NPHP4: variants seen among roughly 807,000 people sequenced by gnomAD.
NPHP4 encodes nephrocystin 4.
A neutral mutation model predicts 155.8 loss-of-function variants in NPHP4; 151 were observed. That is an observed-to-expected ratio of 0.97 (90% CI 0.85 to 1.11). The LOEUF is 1.11. Among genes scored for constraint, NPHP4 ranks in the 50% least tolerant of loss-of-function variants. NPHP4 has a pLI of 0.00. For synonymous variants in NPHP4, 845 were observed against 816.8 expected, an observed-to-expected ratio of 1.03 and a Z score of -0.59; for missense variants, 1,956 against 1,925.7, an observed-to-expected ratio of 1.02 and a Z score of -0.29.
intron 9 of NPHP4, among the ~76,000 whole-genome samples, chr1:5,946,806 A>G (rs375042434): frequency 6.6e-6 from 1 of 152,252 alleles, no homozygotes; most frequent in Non-Finnish European, 1.5e-5. Flanking sequence ...TCAAAACCCA[A>G]AAGGACTGAC....
intron 25 of NPHP4, 34 bp from the exon 26 acceptor site, chr1:5,866,492 C>T (rs781503508): frequency 6.8e-6 from 9 of 1,318,198 alleles, no homozygotes; most frequent in Non-Finnish European, 7.6e-6. Flanking sequence ...TCAGGGCACA[C>T]AGTGCTCTGC....
chr1:5,963,132 C>T (rs1209640570), intron 5 of NPHP4, among the ~76,000 whole-genome samples: 1 of 152,258 alleles, frequency 6.6e-6, no homozygotes, highest in East Asian at 1.9e-4. Flanking sequence ...AAAACTAGGT[C>T]CGCCATGGGG....
intron 11 of NPHP4, among the ~76,000 whole-genome samples, chr1:5,912,407 G>A (rs1393429976): frequency 6.6e-6 from 1 of 151,956 alleles, no homozygotes; most frequent in Non-Finnish European, 1.5e-5. Flanking sequence ...GTATGGTGGT[G>A]GGCACCTGTA....
intron 16 of NPHP4, among the ~76,000 whole-genome samples, chr1:5,898,843 G>GCA (rs146386955): frequency 0.044 from 6,539 of 149,662 alleles, 455 homozygotes; most frequent in African/African-American, 0.15. Flanking sequence ...ACCCACACAT[G>GCA]CACACACACA....
At chr1:5,869,122 CGCACAATGCACACAT>C (rs1641700469) in intron 23 of NPHP4, among the ~76,000 whole-genome samples, 1 of 131,660 alleles carries the variant, frequency 7.6e-6, no homozygotes, top group African/African-American at 2.6e-5. Flanking sequence ...CATGCACACA[CGCACAATGCACACAT>C]ATCCGCCCAC....
chr1:5,875,503 G>C lies in NPHP4; in HGVS notation c.2818-403C>G, dbSNP rs558031505. Among the ~76,000 whole-genome samples, 8 of 152,318 alleles carry C rather than the reference G, an allele frequency of 5.3e-5. No individual in the cohort carries two copies. The South Asian group carries it at 1.7e-3, about 32-fold the overall frequency. On this transcript the variant is annotated intron_variant, in intron 20 of 29. Transcript: ENST00000378156. ...AACACAACTTTGGGAGCCCTGCCTG[G>C]GCCCAGCGTCCACAGGAGAGGACAT...
intron 20 of NPHP4, 61 bp downstream of exon 20, chr1:5,877,032 G>C (rs567456686): frequency 2.7e-6 from 3 of 1,118,104 alleles, no homozygotes; most frequent in South Asian, 3.5e-5. Context: ...GGGAAAGGAT[G>C]TGCACAGTGA....
intron 4 of NPHP4, among the ~76,000 whole-genome samples, chr1:5,967,685 C>A (rs886312011): frequency 6.6e-6 from 1 of 152,194 alleles, no homozygotes; most frequent in Non-Finnish European, 1.5e-5. Flanking sequence ...AGCTGTATAT[C>A]TGGAGCAGTG....
chr1:5,880,330 C>T, intron 18 of NPHP4, 91 bp from the exon 19 acceptor site: 1 of 1,371,458 alleles, frequency 7.3e-7, no homozygotes, highest in Non-Finnish European at 1.0e-6. Context: ...CTGTGGCTTT[C>T]AAATGGCCTA....
Position 5,905,703 on chromosome 1 carries a change from A to T in NPHP4, c.1692T>A (p.Ile564=). 6.2e-7 allele frequency: 1 copy of T among 1,613,916 alleles called. No homozygotes were observed. The highest frequency in any genetic ancestry group is 8.5e-7 in the Non-Finnish European group (1 of 1,179,842). ...ACGGCAGCTCCTGTAACTGTTCGGC[A>T]ATGGATGTTTCCAGGACCAGGGAGG... ...SQTSLVLETS[I]AEQLQELPFT... Residue 564 remains isoleucine (I), a synonymous_variant, in exon 14 of 30, where the codon ATT becomes ATA. Coordinates refer to ENST00000378156, the MANE Select transcript of NPHP4 (RefSeq NM_015102.5). The surrounding 1 kb of genome is among the most constrained non-coding windows in gnomAD (Gnocchi z 4.0).
chr1:5,950,820 G>A (rs1469519726), intron 7 of NPHP4, among the ~76,000 whole-genome samples: 1 of 152,126 alleles, frequency 6.6e-6, no homozygotes, highest in African/African-American at 2.4e-5. Flanking sequence ...CTAAAAGTCA[G>A]GATACACATG....
chr1:5,986,510 G>A (rs775295821), intron 1 of NPHP4, among the ~76,000 whole-genome samples, 183 bp from the exon 2 acceptor site: 8 of 152,120 alleles, frequency 5.3e-5, no homozygotes, highest in Non-Finnish European at 1.2e-4. Flanking sequence ...CCTCTAGGAA[G>A]TACCATTTGC....
chr1:5,885,126 C>G (rs1453776437), intron 18 of NPHP4, among the ~76,000 whole-genome samples: 8 of 147,202 alleles, frequency 5.4e-5, no homozygotes, highest in African/African-American at 2.0e-4. Flanking sequence ...ACTCCACAAC[C>G]AAGATCACTG....
chr1:5,875,057 A>T lies in NPHP4; in HGVS notation c.2861T>A (p.Val954Asp). The T allele has an allele frequency of 6.2e-7, 1 of 1,607,756 alleles. No homozygotes were observed. The highest frequency in any genetic ancestry group is 1.1e-5 in the South Asian group (1 of 91,022). ...CGTGCGTTCCCGGTAGGCGGCGATG[A>T]CCTGTAGGTCCCGCAAGTGCTGTGT... ...VRTQHLRDLQ[V>D]IAAYRERTKA... The change falls in exon 21 of 30, where the codon GTC becomes GAC. Residue 954 changes from valine (V) to aspartate (D), a missense_variant. Coordinates refer to ENST00000378156, the MANE Select transcript of NPHP4 (RefSeq NM_015102.5).
In NPHP4 at chr1:5,964,941, A is replaced by ATATATTTTTTT; in HGVS notation, c.517+2357_517+2358insAAAAAAATATA. ...ATTATATATATATATATATATATAT[A>ATATATTTTTTT]TTTTTTTTTTTTGAGGCAGGGTCTC... On this transcript the variant is annotated intron_variant, in intron 5 of 29. Coordinates refer to ENST00000378156, the MANE Select transcript of NPHP4 (RefSeq NM_015102.5). 4.6e-3 allele frequency among the ~76,000 whole-genome samples: 275 copies of ATATATTTTTTT among 59,372 alleles called. 11 individuals carry two copies. The highest frequency in any genetic ancestry group is 0.013 in the Middle Eastern group (1 of 78). 39.0% of individuals were successfully genotyped at this position (59,372 alleles called of 152,430 possible).
intron 6 of NPHP4, among the ~76,000 whole-genome samples, chr1:5,958,877 T>C (rs1419171739): frequency 1.5e-5 from 1 of 65,138 alleles, no homozygotes; most frequent in African/African-American, 6.6e-5. Flanking sequence ...AAAAAAAGAA[T>C]TAGAGAAGAA....
At position 5,944,398 on chromosome 1, in the gene NPHP4, G is replaced by A. The variant is rs1646977365; in HGVS notation, c.1119+2706C>T. The stretch of plus-strand genomic sequence containing the variant: ...GGAGGGCCCTGCCACAGCCCGCCCT[G>A]GGCCTTCCAAGGAGCGCGCTGGGCT... On this transcript the variant is annotated intron_variant, in intron 9 of 29. Transcript: ENST00000378156. The surrounding 1 kb of genome is among the most constrained non-coding windows in gnomAD (Gnocchi z 4.3). Among the ~76,000 whole-genome samples the A allele has an allele frequency of 6.6e-6, 1 of 152,210 alleles. No homozygotes were observed. The highest frequency in any genetic ancestry group is 2.1e-4 in the South Asian group (1 of 4,830).
At chr1:5,975,490 G>A (rs1653388238) in intron 3 of NPHP4, among the ~76,000 whole-genome samples, 7 of 152,168 alleles carry the variant, frequency 4.6e-5, no homozygotes, top group Admixed American at 3.9e-4. Flanking sequence ...CTTCTTCAGC[G>A]ATTCCAAGTC....
intron 12 of NPHP4, 25 bp downstream of exon 12, chr1:5,909,127 G>A: frequency 6.4e-7 from 1 of 1,563,036 alleles, no homozygotes; most frequent in Non-Finnish European, 8.7e-7. Flanking sequence ...AATTCTGAAG[G>A]AGGCCGTGGG....
Sources: gnomAD v4.1 joint callset for allele counts (sites outside exome capture counted in the v4.1 genomes callset) on GRCh38, gnomAD v4.1.1 for gene constraint, Gnocchi (gnomAD v3.1) non-coding constraint, MANE v1.5 for transcripts, NCBI Gene and HGNC (gene_info 2026-07-23, HGNC 2026-07-21) for gene names.